The following STAU2 variants were observed in gnomAD, a reference collection of about 807,000 sequenced individuals.
The protein encoded by STAU2 is staufen double-stranded RNA binding protein 2.
In STAU2, 20 loss-of-function variants were observed where a neutral mutation model predicts 65.9. The observed-to-expected ratio is 0.30, with a 90% CI of 0.21 to 0.44. STAU2 has a LOEUF of 0.44. Ranked by LOEUF, STAU2 falls within the 20% of genes least tolerant of loss-of-function variation. The pLI is 1.00. For missense variants in STAU2, 558 were observed against 683.9 expected (o/e 0.82, Z 2.05); for synonymous variants, 232 against 233.9 (o/e 0.99, Z 0.07).
At chr8:73,540,850 A>G (rs1292610799) in intron 13 of STAU2, among the ~76,000 whole-genome samples, 1 of 152,088 alleles carries the variant, frequency 6.6e-6, no homozygotes, top group African/African-American at 2.4e-5. Flanking sequence ...TGTGCTTCTT[A>G]TAGTTCTACT....
chr8:73,671,528 G>C (rs1459066124), intron 6 of STAU2, among the ~76,000 whole-genome samples: 1 of 151,948 alleles, frequency 6.6e-6, no homozygotes, highest in African/African-American at 2.4e-5. Context: ...AGTGCAATTG[G>C]GCAATGCTTT....
chr8:73,586,400 G>A (rs1200228415), intron 11 of STAU2, among the ~76,000 whole-genome samples: 1 of 152,062 alleles, frequency 6.6e-6, no homozygotes, highest in Non-Finnish European at 1.5e-5. Flanking sequence ...ATGCAGTCAG[G>A]TGCCTACCCC....
intron 11 of STAU2, among the ~76,000 whole-genome samples, chr8:73,583,360 G>A (rs1254954126): frequency 6.6e-6 from 1 of 151,936 alleles, no homozygotes; most frequent in Non-Finnish European, 1.5e-5. Context: ...TAGCCAGGCT[G>A]GTCTCAAACT....
At chr8:73,738,176 G>T in intron 3 of STAU2, 108 bp downstream of exon 3, 1 of 997,682 alleles carries the variant, frequency 1.0e-6, no homozygotes, top group Non-Finnish European at 1.6e-6. Flanking sequence ...GCTTTAAAAA[G>T]TGATGAGTCA....
chr8:73,719,066 G>A (rs989788837), intron 3 of STAU2, among the ~76,000 whole-genome samples: 3 of 152,172 alleles, frequency 2.0e-5, no homozygotes, highest in East Asian at 1.9e-4. Context: ...AACGTCAAAC[G>A]GAACTGGTTA....
chr8:73,604,887 A>G (rs1811898605), intron 9 of STAU2, among the ~76,000 whole-genome samples: 1 of 152,168 alleles, frequency 6.6e-6, no homozygotes, highest in African/African-American at 2.4e-5. Flanking sequence ...GGTACATCCT[A>G]CCCCAATTAG....
chr8:73,456,293 GAAGAC>G (rs1819062978), intron 13 of STAU2, among the ~76,000 whole-genome samples: 1 of 152,206 alleles, frequency 6.6e-6, no homozygotes, highest in Non-Finnish European at 1.5e-5. Context: ...TGGTGATATA[GAAGAC>G]TTTAAATAGG....
intron 6 of STAU2, chr8:73,651,373 G>A (rs1415379327): frequency 1.3e-5 from 9 of 676,968 alleles, no homozygotes; most frequent in Non-Finnish European, 2.5e-5. Context: ...CTCTGGAGTG[G>A]AAGAGGCTGG....
chr8:73,421,703 C>T (rs372112893), intron 14 of STAU2, among the ~76,000 whole-genome samples: 1 of 152,210 alleles, frequency 6.6e-6, no homozygotes, highest in East Asian at 1.9e-4. Flanking sequence ...TGTCTGTTTA[C>T]CAAATGTTTT....
chr8:73,532,299 C>T (rs1805873936), intron 13 of STAU2, among the ~76,000 whole-genome samples: 1 of 152,170 alleles, frequency 6.6e-6, no homozygotes, highest in African/African-American at 2.4e-5. Context: ...CTTGAAATGG[C>T]CCTGCAAAGC....
chr8:73,624,786 T>A (rs1272682376), intron 6 of STAU2, among the ~76,000 whole-genome samples: 3 of 152,186 alleles, frequency 2.0e-5, no homozygotes, highest in African/African-American at 7.2e-5. Context: ...TCAAAGCAAC[T>A]TAAGTCTCTC....
At position 73,726,415 on chromosome 8, in the gene STAU2, C is replaced by G. The variant is rs114951937; in HGVS notation, c.-18+11869G>C. 4.3e-3 allele frequency among the ~76,000 whole-genome samples: 654 copies of G among 152,218 alleles called. 7 individuals carry two copies. The highest frequency in any genetic ancestry group is 0.015 in the African/African-American group (617 of 41,528). On this transcript the variant is annotated intron_variant, in intron 3 of 14. Transcript: ENST00000524300. ...ATGTAACCAAACACCACCTGTTTCC[C>G]AAAAACTGTTGAAATAAAAAATAAA... is the stretch of plus-strand genomic sequence containing the variant.
At chr8:73,579,032 T>C (rs908986983) in intron 12 of STAU2, among the ~76,000 whole-genome samples, 1 of 123,116 alleles carries the variant, frequency 8.1e-6, no homozygotes, top group Non-Finnish European at 1.6e-5. Flanking sequence ...CTAAATATAG[T>C]ACATAGCATT....
At chr8:73,480,790 G>A (rs1382347528) in intron 13 of STAU2, among the ~76,000 whole-genome samples, 2 of 152,094 alleles carry the variant, frequency 1.3e-5, no homozygotes, top group Non-Finnish European at 2.9e-5. Context: ...GGGAGGCTGA[G>A]CAATCTGACT....
At chr8:73,476,999 C>T (rs1054084199) in intron 13 of STAU2, among the ~76,000 whole-genome samples, 27 of 152,204 alleles carry the variant, frequency 1.8e-4, no homozygotes, top group African/African-American at 6.5e-4. Context: ...TTACTGAGCA[C>T]CTACTCTGGC....
chr8:73,626,354 A>G (rs917893554), intron 6 of STAU2, among the ~76,000 whole-genome samples: 4 of 152,202 alleles, frequency 2.6e-5, no homozygotes, highest in Non-Finnish European at 5.9e-5. Context: ...TGTACCTGAC[A>G]AGCCCTGAGT....
intron 6 of STAU2, among the ~76,000 whole-genome samples, chr8:73,664,701 T>G (rs1274250293): frequency 2.0e-5 from 3 of 152,124 alleles, no homozygotes. Flanking sequence ...TGTTAAGAAT[T>G]TTTATCTGGC....
chr8:73,672,700 T>C (rs1817768861), intron 6 of STAU2, among the ~76,000 whole-genome samples: 1 of 152,132 alleles, frequency 6.6e-6, no homozygotes, highest in African/African-American at 2.4e-5. Context: ...TTTTTCCCTA[T>C]AAATTACAAA....
At chr8:73,491,058 G>A (rs1821131254) in intron 13 of STAU2, among the ~76,000 whole-genome samples, 1 of 151,994 alleles carries the variant, frequency 6.6e-6, no homozygotes, top group Non-Finnish European at 1.5e-5. Context: ...TAGTATTAAT[G>A]CCTGGAAATA....
Sources: gnomAD v4.1 joint callset for allele counts (sites outside exome capture counted in the v4.1 genomes callset) on GRCh38, gnomAD v4.1.1 for gene constraint, MANE v1.5 for transcripts, NCBI Gene and HGNC (gene_info 2026-07-23, HGNC 2026-07-21) for gene names.